Variants in MPP4 observed in about 807,000 individuals in gnomAD.
MPP4 encodes MAGUK p55 subfamily member 4.
Under a neutral mutation model 98.3 loss-of-function variants are expected in MPP4, and 91 were observed. The observed-to-expected ratio is 0.93, with a 90% confidence interval of 0.78 to 1.10. The LOEUF (loss-of-function observed/expected upper bound fraction) is 1.10. MPP4 is among the 50% of genes least tolerant of loss of function. The probability of loss-of-function intolerance (pLI) is 0.00; values close to 1 mark genes in which losing one functional copy is unlikely to be tolerated. For missense variants in MPP4, 744 were observed against 792.9 expected (o/e 0.94, Z 0.74); for synonymous variants, 261 against 271.8 (o/e 0.96, Z 0.39).
rs962997561 is a variant in MPP4, at chr2:201,658,531, G to T, written c.1088-13C>A. 1.9e-5 allele frequency: 30 copies of T among 1,610,638 alleles called. No individual in the cohort carries two copies. Among genetic ancestry groups the T allele is most frequent in the Non-Finnish European group, 2.5e-5 (29 of 1,178,374 alleles). ...AACTCCTCCTTGTCTGAAACACAAA[G>T]AACAGATGGAGCAGAATATGTGAGA... On this transcript the variant is annotated splice_polypyrimidine_tract_variant and intron_variant, in intron 15 of 21. Coordinates refer to ENST00000409474, the MANE Select transcript of MPP4 (RefSeq NM_033066.3).
intron 20 of MPP4, among the ~76,000 whole-genome samples, chr2:201,649,167 T>C (rs925296608): frequency 2.0e-5 from 3 of 152,164 alleles, no homozygotes; most frequent in African/African-American, 4.8e-5. Context: ...CTGTTTATCT[T>C]ACCTTAACTT....
chr2:201,664,211 C>T, intron 13 of MPP4, 110 bp from the exon 14 acceptor site: 1 of 1,498,544 alleles, frequency 6.7e-7, no homozygotes, highest in Admixed American at 2.1e-5. Flanking sequence ...CATACACCAC[C>T]TTTGTAAAGT....
Position 201,666,980 on chromosome 2 carries a change from A to G in MPP4, c.1013-608T>C, listed in dbSNP as rs556129680. 1.9e-3 allele frequency among the ~76,000 whole-genome samples: 284 copies of G among 152,258 alleles called. 3 individuals are homozygous for G. Among genetic ancestry groups the G allele is most frequent in the African/African-American group, 6.6e-3 (273 of 41,552 alleles). ...ACCATAGGCTTTTGAATGCTGCACAAATTAGTTGACCTCTAAGCCTCTGTT... is the reference window on the plus strand; with the variant it reads ...ACCATAGGCTTTTGAATGCTGCACAGATTAGTTGACCTCTAAGCCTCTGTT... On this transcript the variant is annotated intron_variant, in intron 12 of 21. Coordinates refer to ENST00000409474, the MANE Select transcript of MPP4 (RefSeq NM_033066.3).
chr2:201,659,131 G>A (rs900801639), intron 15 of MPP4, among the ~76,000 whole-genome samples: 5 of 151,944 alleles, frequency 3.3e-5, no homozygotes, highest in Non-Finnish European at 7.4e-5. Flanking sequence ...CCTGACCTCA[G>A]GTGATCCACC....
chr2:201,655,698 G>C (rs1034381193), intron 17 of MPP4, among the ~76,000 whole-genome samples: 6 of 152,170 alleles, frequency 3.9e-5, no homozygotes, highest in African/African-American at 1.4e-4. Flanking sequence ...GGTCACTCCT[G>C]CACTATCTTT....
chr2:201,649,309 T>A (rs999852324), intron 20 of MPP4, among the ~76,000 whole-genome samples: 1 of 152,214 alleles, frequency 6.6e-6, no homozygotes, highest in Non-Finnish European at 1.5e-5. Flanking sequence ...GCCTTTGTGA[T>A]CAAGGTTAAA....
chr2:201,681,665 T>G lies in MPP4; in HGVS notation c.661-98A>C, dbSNP rs1230012391. The stretch of plus-strand genomic sequence containing the variant: ...TACAGTGCAATGTATCCAGGTCTCA[T>G]GGTAAAATCCCCCAAGAGCCTTTCA... On this transcript the variant is annotated intron_variant, in intron 8 of 21. Coordinates refer to ENST00000409474, the MANE Select transcript of MPP4 (RefSeq NM_033066.3). 4 of 875,678 alleles carry G rather than the reference T, an allele frequency of 4.6e-6. No homozygotes were observed. In the South Asian group the frequency reaches 5.7e-5, roughly 12 times the overall value. 54.2% of individuals were successfully genotyped at this position (875,678 alleles called of 1,614,324 possible). A position where few individuals can be genotyped will look rare whatever the true frequency, so the allele number is the denominator to read the frequency against.
At chr2:201,682,795 C>T in intron 8 of MPP4, 36 bp downstream of exon 8, 2 of 1,586,952 alleles carry the variant, frequency 1.3e-6, no homozygotes, top group Non-Finnish European at 1.7e-6. Context: ...TGGCATTTCT[C>T]CAAGTCATTA....
Position 201,664,142 on chromosome 2 carries a change from C to T in MPP4, c.1052-41G>A, listed in dbSNP as rs375417867. 1.4e-5 allele frequency: 22 copies of T among 1,527,308 alleles called. No homozygotes were observed. The African/African-American group carries it at 2.6e-4, about 18-fold the overall frequency. 94.6% of individuals were successfully genotyped at this position (1,527,308 alleles called of 1,614,324 possible). ...GAGGCAAAAATCAAAAATGTTATTA[C>T]ATGACCATCTACACTGAGTCTATAT... On this transcript the variant is annotated intron_variant, in intron 13 of 21. Coordinates refer to ENST00000409474, the MANE Select transcript of MPP4 (RefSeq NM_033066.3).
intron 20 of MPP4, 91 bp from the exon 21 acceptor site, chr2:201,647,916 T>TTGCACCACA: frequency 7.8e-7 from 1 of 1,286,880 alleles, no homozygotes; most frequent in Non-Finnish European, 1.1e-6. Context: ...AGTGCTGTGG[T>TTGCACCACA]GCAATCACAG....
intron 18 of MPP4, among the ~76,000 whole-genome samples, chr2:201,654,331 T>C (rs1559597404): frequency 6.6e-6 from 1 of 152,214 alleles, no homozygotes; most frequent in Non-Finnish European, 1.5e-5. Context: ...CATAAATTTA[T>C]ATAAAGTTGT....
chr2:201,679,880 C>T (rs1328859495), intron 10 of MPP4, among the ~76,000 whole-genome samples: 1 of 152,156 alleles, frequency 6.6e-6, no homozygotes, highest in African/African-American at 2.4e-5. Context: ...GGATTTCGGC[C>T]CCACTTCTCC....
intron 16 of MPP4, among the ~76,000 whole-genome samples, chr2:201,657,614 T>TTTTTTTTTTTTTTTC (rs1687893180): frequency 6.8e-6 from 1 of 147,558 alleles, no homozygotes; most frequent in Non-Finnish European, 1.5e-5. Context: ...TTTTTGTTTT[T>TTTTTTTTTTTTTTTC]TTTTGCTTAT....
chr2:201,657,863 C>T (rs1456414630), intron 16 of MPP4, among the ~76,000 whole-genome samples: 1 of 152,028 alleles, frequency 6.6e-6, no homozygotes, highest in African/African-American at 2.4e-5. Context: ...TCCTTACTCT[C>T]CACCTTTGTG....
chr2:201,676,720 T>A (rs533965458), intron 10 of MPP4, among the ~76,000 whole-genome samples: 7 of 152,090 alleles, frequency 4.6e-5, no homozygotes, highest in African/African-American at 7.2e-5. Context: ...GCCAACACAG[T>A]GAAACCCCAT....
At chr2:201,690,408 G>A (rs1481300421) in intron 3 of MPP4, 129 bp from the exon 4 acceptor site, 4 of 555,054 alleles carry the variant, frequency 7.2e-6, no homozygotes, top group Non-Finnish European at 1.3e-5. Context: ...GGTGTGGTTG[G>A]TGTTTAGTAA....
intron 14 of MPP4, 118 bp from the exon 15 acceptor site, chr2:201,660,464 A>G: frequency 9.1e-7 from 1 of 1,100,740 alleles, no homozygotes; most frequent in Non-Finnish European, 1.4e-6. Flanking sequence ...ACCACTAGCA[A>G]AAGGTAACTC....
At position 201,669,751 on chromosome 2, in the gene MPP4, C is replaced by T; in HGVS notation, c.995-1G>A. ...TTCTTACCTTCTTCCATAGAAATTG[C>T]TGAGTACAAGCAAATGATTGAAGCA... On this transcript the variant is annotated splice_acceptor_variant, in intron 11 of 21. Transcript: ENST00000409474. LOFTEE classifies it high-confidence loss of function. 7.0e-7 allele frequency: 1 copy of T among 1,435,140 alleles called. No individual in the cohort carries two copies. The highest frequency in any genetic ancestry group is 9.3e-7 in the Non-Finnish European group (1 of 1,079,868). 88.9% of individuals were successfully genotyped at this position (1,435,140 alleles called of 1,614,324 possible).
intron 13 of MPP4, chr2:201,664,402 G>A: frequency 4.6e-6 from 5 of 1,091,878 alleles, no homozygotes; most frequent in Admixed American, 5.1e-5. Flanking sequence ...AGAGGGAAGG[G>A]GAAAGTGGAA....
Sources: gnomAD v4.1 joint callset for allele counts (sites outside exome capture counted in the v4.1 genomes callset) on GRCh38, gnomAD v4.1.1 for gene constraint, MANE v1.5 for transcripts, NCBI Gene and HGNC (gene_info 2026-07-23, HGNC 2026-07-21) for gene names.